ADAT1: variants seen among roughly 807,000 people sequenced by gnomAD.
ADAT1 encodes adenosine deaminase tRNA specific 1.
Under a neutral mutation model 58.6 loss-of-function variants are expected in ADAT1, and 58 were observed. That is an observed-to-expected ratio of 0.99 (90% CI 0.80 to 1.23). The LOEUF is 1.23. Ranked by LOEUF, ADAT1 falls within the 50% of genes most tolerant of loss-of-function variation. The probability of loss-of-function intolerance (pLI) is 0.00; values close to 1 mark genes in which losing one functional copy is unlikely to be tolerated. For missense variants in ADAT1, 741 were observed against 608.6 expected (o/e 1.22, Z -2.29); for synonymous variants, 254 against 220.8 (o/e 1.15, Z -1.33).
At chr16:75,602,343 C>T (rs537832517) in intron 9 of ADAT1, among the ~76,000 whole-genome samples, 3 of 152,338 alleles carry the variant, frequency 2.0e-5, no homozygotes, top group African/African-American at 4.8e-5. Flanking sequence ...TCTGCCTTTG[C>T]GACCCTCCCA....
chr16:75,608,929 T>G lies in ADAT1; in HGVS notation c.1103A>C (p.Gln368Pro), dbSNP rs1426648905. The change falls in exon 7 of 10, where the codon CAG (glutamine) becomes CCG (proline). Residue 368 changes from glutamine to proline, a missense_variant. Coordinates refer to ENST00000564657, the MANE Select transcript of ADAT1 (RefSeq NM_001324445.2). ...GFGVQELKIL[Q>P]SDLLFEQSRS... ...GCTCTGTTCAAATAGTAAATCTGAC[T>G]GCAGTATTTTTAATTCTTGAACTCC... 2 of 1,614,236 alleles carry G rather than the reference T, an allele frequency of 1.2e-6. No individual in the cohort carries two copies. The highest frequency in any genetic ancestry group is 2.2e-5 in the East Asian group (1 of 44,888).
At chr16:75,612,963 G>T (rs554406488) in intron 5 of ADAT1, 102 bp from the exon 6 acceptor site, 1 of 1,418,490 alleles carries the variant, frequency 7.0e-7, no homozygotes, top group East Asian at 2.4e-5. Context: ...CAAACTCTTG[G>T]GACCCACAGT....
At chr16:75,620,015 G>A in intron 3 of ADAT1, among the ~76,000 whole-genome samples, 1 of 152,136 alleles carries the variant, frequency 6.6e-6, no homozygotes, top group East Asian at 1.9e-4. Context: ...TAAACCCAGG[G>A]ACTCTGTGGT....
chr16:75,612,260 C>A lies in ADAT1; in HGVS notation c.1026G>T (p.Gln342His), dbSNP rs768314305. 3.0e-5 allele frequency: 48 copies of A among 1,613,992 alleles called. No homozygotes were observed. The highest frequency in any genetic ancestry group is 3.7e-5 in the Non-Finnish European group (44 of 1,179,986). ...CCTCTCACCTTCCAATCAGTGCTCTCTGCATGGCTTCCTGGCTGTATGGGC... is the reference window on the plus strand; with the variant it reads ...CCTCTCACCTTCCAATCAGTGCTCTATGCATGGCTTCCTGGCTGTATGGGC... The part of the protein sequence containing the change: ...GKCPYSQEAM[Q>H]RALIGRCQNV... Residue 342 changes from glutamine to histidine, a missense_variant, in exon 6 of 10, where the codon CAG becomes CAT. Gln to His is a conservative substitution (Grantham distance 24). Coordinates refer to ENST00000564657, the MANE Select transcript of ADAT1 (RefSeq NM_001324445.2).
chr16:75,599,231 G>A lies in ADAT1; in HGVS notation c.*985C>T, dbSNP rs928603355. The stretch of plus-strand genomic sequence containing the variant: ...CGAGTAGCTAGGATTACAGGTGTGC[G>A]CCACCATGCCCGGCTAGTTTTTGCA... On this transcript the variant is annotated 3_prime_UTR_variant, in exon 10 of 10. Transcript: ENST00000564657. The A allele has an allele frequency of 2.4e-5, 20 of 817,992 alleles. No homozygotes were observed. In the South Asian group the frequency reaches 3.4e-4, roughly 14 times the overall value. 50.7% of individuals were successfully genotyped at this position (817,992 alleles called of 1,614,324 possible).
intron 6 of ADAT1, among the ~76,000 whole-genome samples, chr16:75,611,838 A>T (rs1203561765): frequency 1.3e-5 from 2 of 152,036 alleles, no homozygotes; most frequent in Non-Finnish European, 2.9e-5. Flanking sequence ...TGGGTGGATC[A>T]CCTGAGGTCA....
chr16:75,619,994 T>A (rs2075279026), intron 3 of ADAT1, among the ~76,000 whole-genome samples: 1 of 151,772 alleles, frequency 6.6e-6, no homozygotes, highest in African/African-American at 2.4e-5. Flanking sequence ...CCAGACCTAA[T>A]GTGGAATAGC....
chr16:75,612,092 TG>T (rs1487448312), intron 6 of ADAT1, 150 bp downstream of exon 6: 4 of 959,504 alleles, frequency 4.2e-6, no homozygotes, highest in Non-Finnish European at 6.0e-6. Flanking sequence ...CAAAGCTAAA[TG>T]TTCAAATACT....
Position 75,608,933 on chromosome 16 carries a change from G to A in ADAT1, c.1099C>T (p.Leu367=). The change falls in exon 7 of 10, where the codon CTG becomes TTG. Residue 367 remains leucine, a synonymous_variant. Coordinates refer to ENST00000564657, the MANE Select transcript of ADAT1 (RefSeq NM_001324445.2). ...TGTTCAAATAGTAAATCTGACTGCA[G>A]TATTTTTAATTCTTGAACTCCGAAG... The part of the protein sequence containing the change: ...KGFGVQELKI[L]QSDLLFEQSR... 17 of 1,614,212 alleles carry A rather than the reference G, an allele frequency of 1.1e-5. No homozygotes were observed. The highest frequency in any genetic ancestry group is 1.4e-5 in the Non-Finnish European group (17 of 1,180,030).
chr16:75,618,981 C>T (rs188471262), intron 3 of ADAT1, among the ~76,000 whole-genome samples: 6 of 152,252 alleles, frequency 3.9e-5, no homozygotes, highest in African/African-American at 9.6e-5. Flanking sequence ...CTAGACATTG[C>T]GAAATGTCCT....
intron 6 of ADAT1, among the ~76,000 whole-genome samples, chr16:75,610,119 T>A (rs949228460): frequency 6.6e-6 from 1 of 152,210 alleles, no homozygotes; most frequent in South Asian, 2.1e-4. Flanking sequence ...TTCAAGTTCA[T>A]CCATGCTGCA....
chr16:75,612,615 C>T lies in ADAT1; in HGVS notation c.671G>A (p.Gly224Asp). The change falls in exon 6 of 10, where the codon GGC becomes GAC. Residue 224 changes from glycine (G) to aspartate (D), a missense_variant. Transcript: ENST00000564657. ...HHQSFGKQKSGPISPGIHSCD... is the reference protein window; with the variant it reads ...HHQSFGKQKSDPISPGIHSCD... ...GCTGTGGATGCCTGGTGAGATTGGG[C>T]CACTTTTCTGCTTGCCAAAACTCTG... is the stretch of plus-strand genomic sequence containing the variant. The T allele has an allele frequency of 6.2e-7, 1 of 1,614,026 alleles. No homozygotes were observed. Among genetic ancestry groups the T allele is most frequent in the East Asian group, 2.2e-5 (1 of 44,874 alleles).
intron 8 of ADAT1, among the ~76,000 whole-genome samples, chr16:75,607,383 T>C (rs995748769): frequency 4.0e-5 from 6 of 151,640 alleles, no homozygotes; most frequent in Middle Eastern, 3.4e-3. Flanking sequence ...ATGCCTACAG[T>C]CCCAGCTACT....
chr16:75,612,333 T>C lies in ADAT1; in HGVS notation c.953A>G (p.His318Arg). 2 of 1,614,186 alleles carry C rather than the reference T, an allele frequency of 1.2e-6. No homozygotes were observed. Among genetic ancestry groups the C allele is most frequent in the Non-Finnish European group, 1.7e-6 (2 of 1,180,036 alleles). ...CAGGTAGATGGGCTCTTCCAGCAAG[T>C]GCATCAACAGTGCCCCTTGGCATCC... The part of the protein sequence containing the change: ...VLGCQGALLM[H>R]LLEEPIYLSA... The change falls in exon 6 of 10, where the codon CAC (histidine) becomes CGC (arginine). Residue 318 changes from histidine (H) to arginine (R), a missense_variant. Transcript: ENST00000564657.
In ADAT1 at chr16:75,599,793, G is replaced by A; in HGVS notation, c.*423C>T. On this transcript the variant is annotated 3_prime_UTR_variant, in exon 10 of 10. Transcript: ENST00000564657. ...AAGAATGGCTCCCTGAAGAAAGAAA[G>A]GCTGGGAATACAAAATATATATTCG... 18 of 993,042 alleles carry A rather than the reference G, an allele frequency of 1.8e-5. No homozygotes were observed. The highest frequency in any genetic ancestry group is 2.2e-5 in the Non-Finnish European group (18 of 834,588). 61.5% of individuals were successfully genotyped at this position (993,042 alleles called of 1,614,324 possible).
At chr16:75,615,681 C>G (rs2081687600) in intron 5 of ADAT1, among the ~76,000 whole-genome samples, 1 of 152,080 alleles carries the variant, frequency 6.6e-6, no homozygotes, top group Non-Finnish European at 1.5e-5. Flanking sequence ...CACAATAAGG[C>G]TATAGCTGTC....
At chr16:75,611,547 A>T (rs1055125298) in intron 6 of ADAT1, among the ~76,000 whole-genome samples, 2 of 151,726 alleles carry the variant, frequency 1.3e-5, no homozygotes, top group Non-Finnish European at 2.9e-5. Flanking sequence ...ACATCTGGCT[A>T]GTTTTTGTAT....
At chr16:75,611,456 G>T (rs2081531251) in intron 6 of ADAT1, among the ~76,000 whole-genome samples, 1 of 152,012 alleles carries the variant, frequency 6.6e-6, no homozygotes, top group South Asian at 2.1e-4. Flanking sequence ...AATGACCTTG[G>T]TTCACTGCAG....
chr16:75,618,943 C>G (rs1016355921), intron 3 of ADAT1, among the ~76,000 whole-genome samples: 1 of 152,190 alleles, frequency 6.6e-6, no homozygotes, highest in African/African-American at 2.4e-5. Context: ...TAGCACCCCT[C>G]CCTCAGTTGT....
Sources: gnomAD v4.1 joint callset for allele counts (sites outside exome capture counted in the v4.1 genomes callset) on GRCh38, gnomAD v4.1.1 for gene constraint, MANE v1.5 for transcripts, NCBI Gene and HGNC (gene_info 2026-07-23, HGNC 2026-07-21) for gene names.